The following SLIT1 variants were observed in gnomAD, a reference collection of about 807,000 sequenced individuals.
The protein encoded by SLIT1 is slit guidance ligand 1, also known as slit homolog 1 protein.
A neutral mutation model predicts 186.1 loss-of-function variants in SLIT1; 66 were observed. That is an observed-to-expected ratio of 0.35 (90% CI 0.29 to 0.44). SLIT1 has a LOEUF of 0.44. SLIT1 is among the 20% of genes least tolerant of loss of function. SLIT1 has a pLI of 1.00. For synonymous variants in SLIT1, 761 were observed against 833.8 expected (o/e 0.91, Z 1.50); for missense variants, 1,638 against 2,037.4 (o/e 0.80, Z 3.77).
intron 1 of SLIT1, among the ~76,000 whole-genome samples, chr10:97,165,298 C>A (rs983925497): frequency 6.6e-6 from 1 of 152,198 alleles, no homozygotes; most frequent in African/African-American, 2.4e-5. Flanking sequence ...CTACCTTATA[C>A]GGTTAGCACA....
intron 1 of SLIT1, among the ~76,000 whole-genome samples, chr10:97,175,515 C>T (rs2784913): frequency 0.72 from 108,854 of 152,058 alleles, 40,103 homozygotes; most frequent in Non-Finnish European, 0.81. Flanking sequence ...CCACCAACAG[C>T]GTGCACATCC....
intron 4 of SLIT1, among the ~76,000 whole-genome samples, chr10:97,090,727 A>G (rs1397091565): frequency 6.6e-6 from 1 of 152,200 alleles, no homozygotes; most frequent in Non-Finnish European, 1.5e-5. Context: ...AGCTCCCTTC[A>G]CTGAGTGCTT....
chr10:97,014,907 C>G (rs1409011344), intron 28 of SLIT1, among the ~76,000 whole-genome samples: 1 of 151,360 alleles, frequency 6.6e-6, no homozygotes, highest in Non-Finnish European at 1.5e-5. Flanking sequence ...AACCCCACAG[C>G]TAGTCTTCTA....
chr10:97,043,262 C>T lies in SLIT1; in HGVS notation c.1997+108G>A, dbSNP rs1848705133. Reference sequence around the variant, plus strand: ...ATGTGGAACCCACGTTTCAGCAAACCACGAAGACCCAGCACCCCCAGGGTG... The same window carrying T: ...ATGTGGAACCCACGTTTCAGCAAACTACGAAGACCCAGCACCCCCAGGGTG... On this transcript the variant is annotated intron_variant, in intron 19 of 36. Coordinates refer to ENST00000266058, the MANE Select transcript of SLIT1 (RefSeq NM_003061.3). This position sits in a 1 kb window ranked among gnomAD's most constrained non-coding sequence, Gnocchi z 7.0. 3 of 1,456,938 alleles carry T rather than the reference C, an allele frequency of 2.1e-6. No individual in the cohort carries two copies. The highest frequency in any genetic ancestry group is 1.8e-5 in the Admixed American group (1 of 54,190). 90.3% of individuals were successfully genotyped at this position (1,456,938 alleles called of 1,614,324 possible).
At chr10:97,065,798 C>T in intron 5 of SLIT1, 1 of 519,740 alleles carries the variant, frequency 1.9e-6, no homozygotes, top group Non-Finnish European at 3.5e-6. Flanking sequence ...CCTCCGTTGG[C>T]TCTCATATGG....
At chr10:97,018,919 C>G (rs1848478422) in intron 27 of SLIT1, 64 bp downstream of exon 27, 1 of 1,007,880 alleles carries the variant, frequency 9.9e-7, no homozygotes, top group Non-Finnish European at 1.5e-6. Flanking sequence ...GCTCTGGGCC[C>G]TGGGGACAGC....
chr10:97,096,646 A>G (rs1849293552), intron 4 of SLIT1, among the ~76,000 whole-genome samples: 1 of 151,986 alleles, frequency 6.6e-6, no homozygotes, highest in Admixed American at 6.6e-5. Context: ...CTGCTTCGCC[A>G]CCTGCCCACA....
chr10:97,131,638 C>G (rs1323639775), intron 4 of SLIT1, among the ~76,000 whole-genome samples: 1 of 152,232 alleles, frequency 6.6e-6, no homozygotes, highest in Non-Finnish European at 1.5e-5. Context: ...AGGCAGAGGA[C>G]CGGAGCCCAG....
intron 4 of SLIT1, among the ~76,000 whole-genome samples, chr10:97,076,830 G>A (rs1849050199): frequency 1.3e-5 from 2 of 152,188 alleles, no homozygotes; most frequent in Admixed American, 6.5e-5. Context: ...TTCAAGCTCA[G>A]GTAGGGGCCA....
chr10:97,034,596 A>C, intron 22 of SLIT1, 54 bp from the exon 23 acceptor site: 9 of 1,484,590 alleles, frequency 6.1e-6, no homozygotes, highest in African/African-American at 1.4e-5. Context: ...GCCCTGGCTC[A>C]CATTCACGGG....
At chr10:97,036,717 T>C (rs1466112919) in intron 22 of SLIT1, among the ~76,000 whole-genome samples, 2 of 152,096 alleles carry the variant, frequency 1.3e-5, no homozygotes, top group Non-Finnish European at 2.9e-5. Flanking sequence ...CACACTAAGG[T>C]GGAATGTTCT....
chr10:97,117,295 T>C (rs1849518044), intron 4 of SLIT1, among the ~76,000 whole-genome samples: 1 of 151,964 alleles, frequency 6.6e-6, no homozygotes, highest in South Asian at 2.1e-4. Context: ...TAAAAAAAAT[T>C]ACAGGGAGAT....
At chr10:97,119,943 A>ATATATATATATG (rs1298104412) in intron 4 of SLIT1, among the ~76,000 whole-genome samples, 2 of 135,424 alleles carry the variant, frequency 1.5e-5, no homozygotes, top group Non-Finnish European at 3.2e-5. Context: ...ATATATATAT[A>ATATATATATATG]TATGTATATG....
chr10:97,072,752 G>A (rs1589382295), intron 4 of SLIT1, among the ~76,000 whole-genome samples: 2 of 152,326 alleles, frequency 1.3e-5, no homozygotes, highest in South Asian at 4.2e-4. Context: ...AAAGCGGGTG[G>A]TAGAAGGAGC....
intron 4 of SLIT1, among the ~76,000 whole-genome samples, chr10:97,109,576 T>C (rs1849445833): frequency 6.6e-6 from 1 of 152,210 alleles, no homozygotes; most frequent in Non-Finnish European, 1.5e-5. Context: ...TCTTCCCTCT[T>C]CACCCCATTA....
intron 4 of SLIT1, among the ~76,000 whole-genome samples, chr10:97,130,846 G>A (rs1849646411): frequency 6.6e-6 from 1 of 152,144 alleles, no homozygotes. Context: ...TGGGGGAGGG[G>A]GTTGCCATTC....
At chr10:97,080,462 A>G (rs1017755061) in intron 4 of SLIT1, among the ~76,000 whole-genome samples, 1 of 152,210 alleles carries the variant, frequency 6.6e-6, no homozygotes, top group Non-Finnish European at 1.5e-5. Context: ...GCAAAGGATC[A>G]ATTTGCTAAA....
At chr10:97,149,745 T>C (rs930520702) in intron 4 of SLIT1, among the ~76,000 whole-genome samples, 1 of 152,176 alleles carries the variant, frequency 6.6e-6, no homozygotes, top group East Asian at 1.9e-4. Flanking sequence ...CAGGTGGGCC[T>C]GGGTTCGAAT....
At position 97,184,816 on chromosome 10, in the gene SLIT1, T is replaced by C. The variant is rs1371342940; in HGVS notation, c.197+662A>G. Among the ~76,000 whole-genome samples, 1 of 152,190 alleles carries C rather than the reference T, an allele frequency of 6.6e-6. No individual in the cohort carries two copies. Among genetic ancestry groups the C allele is most frequent in the Non-Finnish European group, 1.5e-5 (1 of 68,038 alleles). On this transcript the variant is annotated intron_variant, in intron 1 of 36. Coordinates refer to ENST00000266058, the MANE Select transcript of SLIT1 (RefSeq NM_003061.3). This position sits in a 1 kb window ranked among gnomAD's most constrained non-coding sequence, Gnocchi z 4.4. ...CACCTGCCCCTTTTCGGGTGCTGAA[T>C]GTTACATACCCCAAGCCCCATACCC...
Sources: allele counts gnomAD v4.1 joint callset (sites outside exome capture counted in the v4.1 genomes callset), GRCh38; gene constraint gnomAD v4.1.1; non-coding constraint Gnocchi (gnomAD v3.1); transcripts MANE v1.5; gene names NCBI Gene and HGNC (gene_info 2026-07-23, HGNC 2026-07-21).